The following MTNAP1 variants were observed in gnomAD, a reference collection of about 807,000 sequenced individuals.
MTNAP1 encodes the protein mitochondrial nucleoid associated protein 1.
the MTNAP1 span, chr17:73,243,085 T>TTTTTG: frequency 1.1e-6 from 1 of 877,196 alleles, no homozygotes; most frequent in Non-Finnish European, 1.7e-6. Flanking sequence ...GAATTTTTTT[T>TTTTTG]TTTTTTTTTT....
the MTNAP1 span, among the ~76,000 whole-genome samples, chr17:73,238,108 C>T: frequency 6.6e-6 from 1 of 151,668 alleles, no homozygotes; most frequent in African/African-American, 2.4e-5. Context: ...AATCGGTTAA[C>T]AGGAGGGAAG....
At chr17:73,246,205 A>G in the MTNAP1 span, among the ~76,000 whole-genome samples, 1 of 152,176 alleles carries the variant, frequency 6.6e-6, no homozygotes, top group Non-Finnish European at 1.5e-5. Flanking sequence ...GCCAAAATAC[A>G]TGAGGTCAGT....
the MTNAP1 span, chr17:73,237,011 T>G: frequency 6.5e-7 from 1 of 1,527,380 alleles, no homozygotes; most frequent in Non-Finnish European, 8.8e-7. Flanking sequence ...CAAGCTTATT[T>G]TCAATTGCCA....
At chr17:73,245,092 C>T in the MTNAP1 span, 4 of 1,383,970 alleles carry the variant, frequency 2.9e-6, no homozygotes, top group African/African-American at 4.3e-5. Flanking sequence ...AGAGAATGAT[C>T]TGTAGAGGCA....
chr17:73,247,432 G>A, the MTNAP1 span: 1 of 1,283,458 alleles, frequency 7.8e-7, no homozygotes, highest in Non-Finnish European at 1.1e-6. Flanking sequence ...TAACACCTAA[G>A]TGTAGTGGTA....
chr17:73,243,831 C>G, the MTNAP1 span, among the ~76,000 whole-genome samples: 13 of 152,212 alleles, frequency 8.5e-5, no homozygotes, highest in Non-Finnish European at 1.8e-4. Flanking sequence ...CCGCACTCAG[C>G]CTTTGTAGCT....
At chr17:73,243,289 G>A in the MTNAP1 span, 6 of 400,904 alleles carry the variant, frequency 1.5e-5, no homozygotes, top group East Asian at 2.4e-4. Flanking sequence ...CGAGTAGCTG[G>A]GATTATAGGC....
At chr17:73,241,942 A>T in the MTNAP1 span, among the ~76,000 whole-genome samples, 2 of 152,136 alleles carry the variant, frequency 1.3e-5, no homozygotes, top group Non-Finnish European at 2.9e-5. Context: ...CAAAAAGATG[A>T]TGTAAGAGAC....
the MTNAP1 span, chr17:73,236,725 C>T: frequency 6.2e-7 from 1 of 1,614,140 alleles, no homozygotes; most frequent in Non-Finnish European, 8.5e-7. Context: ...ATCTCTGGAG[C>T]CCAAATCTGA....
At chr17:73,238,278 C>T in the MTNAP1 span, among the ~76,000 whole-genome samples, 4 of 38,134 alleles carry the variant, frequency 1.0e-4, no homozygotes, top group African/African-American at 3.2e-4. Context: ...AGTAGCATAC[C>T]TGTCGTTTGT....
chr17:73,236,640 AAAG>A, the MTNAP1 span: 18 of 1,614,116 alleles, frequency 1.1e-5, no homozygotes, highest in Non-Finnish European at 1.4e-5. Flanking sequence ...TTCTTCAAGA[AAAG>A]AAAGCAGAAG....
the MTNAP1 span, among the ~76,000 whole-genome samples, chr17:73,237,808 A>G: frequency 6.6e-6 from 1 of 152,228 alleles, no homozygotes; most frequent in Non-Finnish European, 1.5e-5. Context: ...GTGGTAGGAC[A>G]CAGGTAAAAC....
the MTNAP1 span, among the ~76,000 whole-genome samples, chr17:73,234,882 A>G: frequency 6.6e-6 from 1 of 151,160 alleles, no homozygotes; most frequent in Non-Finnish European, 1.5e-5. Context: ...CCTAGTGCAT[A>G]TTCTATTTAT....
At chr17:73,244,108 G>A in the MTNAP1 span, among the ~76,000 whole-genome samples, 956 of 152,182 alleles carry the variant, frequency 6.3e-3, 3 homozygotes, top group Non-Finnish European at 1.0e-2. Flanking sequence ...TTAACCAGAA[G>A]GAAAATACCT....
At chr17:73,237,090 C>A in the MTNAP1 span, 2 of 1,255,228 alleles carry the variant, frequency 1.6e-6, no homozygotes, top group Middle Eastern at 1.9e-4. Context: ...CATTTTCAGT[C>A]ATTTAGTTTA....
At chr17:73,242,634 A>G in the MTNAP1 span, among the ~76,000 whole-genome samples, 77,746 of 151,930 alleles carry the variant, frequency 0.51, 20,003 homozygotes, top group East Asian at 0.62. Context: ...AAGCCAGAAA[A>G]ACTCTAAACC....
At chr17:73,240,280 A>G in the MTNAP1 span, among the ~76,000 whole-genome samples, 71 of 152,344 alleles carry the variant, frequency 4.7e-4, no homozygotes, top group African/African-American at 1.6e-3. Flanking sequence ...TGGGACTTCT[A>G]CATCAAGACA....
chr17:73,240,785 G>A, the MTNAP1 span, among the ~76,000 whole-genome samples: 7 of 152,332 alleles, frequency 4.6e-5, no homozygotes, highest in Non-Finnish European at 8.8e-5. Flanking sequence ...AGGGAGCCAC[G>A]TGATCCTGAC....
the MTNAP1 span, among the ~76,000 whole-genome samples, chr17:73,240,875 G>T: frequency 1.3e-5 from 2 of 150,926 alleles, no homozygotes; most frequent in African/African-American, 4.9e-5. Context: ...AGATGAATGG[G>T]TTTTTTTTTT....
Sources: gnomAD v4.1 joint callset for allele counts (sites outside exome capture counted in the v4.1 genomes callset) on GRCh38, gnomAD v4.1.1 for gene constraint, MANE v1.5 for transcripts, NCBI Gene and HGNC (gene_info 2026-07-23, HGNC 2026-07-21) for gene names.